The following EVL variants were observed in gnomAD, a reference collection of about 807,000 sequenced individuals.
EVL encodes the protein Enah/Vasp-like.
Under a neutral mutation model 59.6 loss-of-function variants are expected in EVL, and 21 were observed. The ratio of observed to expected loss-of-function variants is 0.35; its 90% CI spans 0.25 to 0.51. EVL has a LOEUF of 0.51. EVL is among the 20% of genes least tolerant of loss of function. The probability of loss-of-function intolerance (pLI) is 0.97; values close to 1 mark genes in which losing one functional copy is unlikely to be tolerated. For missense variants in EVL, 462 were observed against 546.6 expected (o/e 0.85, Z 1.54); for synonymous variants, 198 against 203.5 (o/e 0.97, Z 0.23).
At chr14:100,009,706 A>G (rs1210742685) in intron 1 of EVL, among the ~76,000 whole-genome samples, 2 of 152,246 alleles carry the variant, frequency 1.3e-5, no homozygotes, top group Non-Finnish European at 2.9e-5. Flanking sequence ...ATGGGTGACC[A>G]TGGCCTATGA....
intron 1 of EVL, among the ~76,000 whole-genome samples, chr14:99,993,673 GTTTC>G (rs1233008979): frequency 1.5e-4 from 15 of 101,996 alleles, no homozygotes; most frequent in East Asian, 1.1e-3. Flanking sequence ...TTTTCAGATT[GTTTC>G]TTTCTTTCTT....
intron 4 of EVL, among the ~76,000 whole-genome samples, chr14:100,126,405 C>A (rs1352091420): frequency 6.6e-6 from 1 of 152,214 alleles, no homozygotes; most frequent in Non-Finnish European, 1.5e-5. Context: ...CAGGTGCGCC[C>A]ATCTAGCCCA....
chr14:100,004,388 T>TA (rs1306577448), intron 1 of EVL, among the ~76,000 whole-genome samples: 1 of 151,824 alleles, frequency 6.6e-6, no homozygotes, highest in Non-Finnish European at 1.5e-5. Flanking sequence ...AACTTTGGGT[T>TA]AAAAAAAATT....
intron 1 of EVL, among the ~76,000 whole-genome samples, chr14:100,025,638 A>G (rs1180716186): frequency 1.3e-5 from 2 of 152,212 alleles, no homozygotes; most frequent in Non-Finnish European, 2.9e-5. Context: ...TTTTAAAAAT[A>G]CACAGTTGGC....
intron 1 of EVL, among the ~76,000 whole-genome samples, chr14:100,051,940 C>A (rs2061654295): frequency 6.6e-6 from 1 of 152,242 alleles, no homozygotes; most frequent in Non-Finnish European, 1.5e-5. Flanking sequence ...ATTTTACGAT[C>A]TTCCTTACCT....
intron 1 of EVL, among the ~76,000 whole-genome samples, chr14:100,082,796 C>T (rs2062340499): frequency 6.6e-6 from 1 of 152,212 alleles, no homozygotes. Context: ...CATCACAGTG[C>T]TGAGAACATT....
At chr14:100,022,030 T>C (rs922864717) in intron 1 of EVL, among the ~76,000 whole-genome samples, 1 of 152,098 alleles carries the variant, frequency 6.6e-6, no homozygotes, top group African/African-American at 2.4e-5. Context: ...TCTTGATCTT[T>C]CTTAGTGTCA....
At chr14:100,124,529 T>C (rs1887905082) in intron 4 of EVL, among the ~76,000 whole-genome samples, 1 of 152,190 alleles carries the variant, frequency 6.6e-6, no homozygotes, top group Admixed American at 6.5e-5. Context: ...CCCTCAGGGC[T>C]TTTCTTACTG....
chr14:100,028,684 A>T (rs117946286), intron 1 of EVL, among the ~76,000 whole-genome samples: 184 of 152,228 alleles, frequency 1.2e-3, no homozygotes, highest in Middle Eastern at 6.8e-3. Flanking sequence ...GGTGACACGC[A>T]CCTGTAGTCC....
At chr14:100,104,017 G>A (rs1886401392) in intron 3 of EVL, among the ~76,000 whole-genome samples, 1 of 152,178 alleles carries the variant, frequency 6.6e-6, no homozygotes, top group Admixed American at 6.5e-5. Flanking sequence ...TGATCTCCCT[G>A]TGCCCCAGTC....
At chr14:100,134,765 A>G (rs1283388697) in intron 8 of EVL, 1 of 152,260 alleles carries the variant, frequency 6.6e-6, no homozygotes, top group Non-Finnish European at 1.5e-5. Flanking sequence ...GCCATGGCAG[A>G]GCTGGCCCTG....
chr14:100,016,617 C>A (rs1005834131), intron 1 of EVL, among the ~76,000 whole-genome samples: 10 of 152,198 alleles, frequency 6.6e-5, no homozygotes, highest in Admixed American at 5.2e-4. Context: ...AACAAAAAAA[C>A]ACATTATGTG....
At chr14:99,998,976 A>G (rs1020887253) in intron 1 of EVL, among the ~76,000 whole-genome samples, 4 of 152,138 alleles carry the variant, frequency 2.6e-5, no homozygotes, top group Admixed American at 2.6e-4. Context: ...TATACTGTCT[A>G]TACTTTTATA....
chr14:100,136,373 C>T (rs1427716194), intron 9 of EVL, among the ~76,000 whole-genome samples: 2 of 152,212 alleles, frequency 1.3e-5, no homozygotes, highest in Non-Finnish European at 2.9e-5. Context: ...AGCTGATGAC[C>T]GACATTACAG....
intron 1 of EVL, among the ~76,000 whole-genome samples, chr14:100,060,299 C>G (rs908200304): frequency 2.6e-5 from 4 of 151,710 alleles, no homozygotes; most frequent in African/African-American, 9.7e-5. Context: ...GGCGTGGTGG[C>G]GGGCGCCTGT....
intron 1 of EVL, among the ~76,000 whole-genome samples, chr14:100,054,285 C>A (rs778060703): frequency 9.2e-5 from 14 of 151,646 alleles, no homozygotes; most frequent in Non-Finnish European, 1.9e-4. Context: ...GATCTTCTGA[C>A]CTCATGATCT....
rs747144305 is a variant in EVL at position 100,073,452 on chromosome 14, G to T, written c.11+7941G>T. On this transcript the variant is annotated intron_variant, in intron 1 of 13. Transcript: ENST00000392920. ...TCCTTCCACCTCAGGCTTCTGAGCA[G>T]CTGGGGCTACAGGCACCCACCACCA... Among the ~76,000 whole-genome samples the T allele has an allele frequency of 4.6e-5, 7 of 151,442 alleles. No individual in the cohort carries two copies. The South Asian group carries it at 1.3e-3, about 27-fold the overall frequency.
chr14:100,075,697 C>G (rs1269506736), intron 1 of EVL, among the ~76,000 whole-genome samples: 2 of 152,146 alleles, frequency 1.3e-5, no homozygotes, highest in African/African-American at 4.8e-5. Context: ...AGTGGCTGTC[C>G]TGACGGCTTG....
chr14:99,988,833 C>T (rs550532181), intron 1 of EVL, among the ~76,000 whole-genome samples: 5 of 152,230 alleles, frequency 3.3e-5, no homozygotes, highest in East Asian at 1.9e-4. Flanking sequence ...TTGTATGATT[C>T]CATTTACATG....
Sources: gnomAD v4.1 joint callset for allele counts (sites outside exome capture counted in the v4.1 genomes callset) on GRCh38, gnomAD v4.1.1 for gene constraint, MANE v1.5 for transcripts, NCBI Gene and HGNC (gene_info 2026-07-23, HGNC 2026-07-21) for gene names.